Variants in TENM1 observed in about 807,000 individuals in gnomAD.
The protein encoded by TENM1 is teneurin-1.
Under a neutral mutation model 174.8 loss-of-function variants are expected in TENM1, and 35 were observed. The observed-to-expected ratio is 0.20, with a 90% CI of 0.15 to 0.27. TENM1 has a LOEUF of 0.27. Among genes scored for constraint, TENM1 ranks in the 10% least tolerant of loss-of-function variants. The pLI is 1.00. For synonymous variants in TENM1, 781 were observed against 798.7 expected (o/e 0.98, Z 0.37); for missense variants, 1,633 against 2,130.1 (o/e 0.77, Z 4.59).
At chrX:124,897,127 G>A (rs919967071) in intron 1 of TENM1, among the ~76,000 whole-genome samples, 4 of 111,624 alleles carry the variant, frequency 3.6e-5, no homozygotes, top group African/African-American at 6.5e-5. Context: ...ATACAACAAC[G>A]ATGCCCCATC....
the TENM1 span, among the ~76,000 whole-genome samples, chrX:125,071,861 T>G: frequency 9.0e-6 from 1 of 111,240 alleles, no homozygotes; most frequent in African/African-American, 3.2e-5. Context: ...ATTCATATAT[T>G]TCTGTCAGAT....
intron 20 of TENM1, among the ~76,000 whole-genome samples, chrX:124,489,246 T>A (rs1181611652): frequency 8.9e-6 from 1 of 112,710 alleles, no homozygotes; most frequent in Admixed American, 9.4e-5. Flanking sequence ...AAATGGAATT[T>A]CAAATCTTTT....
chrX:124,720,742 T>A (rs2053291494), intron 4 of TENM1, among the ~76,000 whole-genome samples: 2 of 112,527 alleles, frequency 1.8e-5, no homozygotes, highest in African/African-American at 6.5e-5. Context: ...AATGACTTCA[T>A]AGACTAGTCT....
At chrX:124,489,168 C>A (rs1046175143) in intron 20 of TENM1, among the ~76,000 whole-genome samples, 1 of 112,469 alleles carries the variant, frequency 8.9e-6, no homozygotes, top group Non-Finnish European at 1.9e-5. Context: ...AGGGCCTGGG[C>A]CCATCCGTGG....
chrX:124,509,381 C>G (rs2047526902), intron 18 of TENM1, among the ~76,000 whole-genome samples: 1 of 110,763 alleles, frequency 9.0e-6, no homozygotes, highest in African/African-American at 3.3e-5. Flanking sequence ...GAACAACAAC[C>G]CTCCCTGTCC....
intron 11 of TENM1, among the ~76,000 whole-genome samples, chrX:124,582,598 C>T (rs1002030589): frequency 8.0e-5 from 9 of 112,136 alleles, no homozygotes; most frequent in South Asian, 3.8e-4. Context: ...CAGCTCCCAG[C>T]GTGAGCGACA....
chrX:124,529,062 A>G (rs2048046350), intron 16 of TENM1, among the ~76,000 whole-genome samples: 1 of 111,275 alleles, frequency 9.0e-6, no homozygotes, highest in Non-Finnish European at 1.9e-5. Context: ...TTTTTTGCGT[A>G]TGATTATTGA....
rs2061066705 is a variant in TENM1, at chrX:124,453,421, A to G, written c.4020T>C (p.Asn1340=). The change falls in exon 23 of 32, where the codon AAT becomes AAC. Residue 1340 remains asparagine, a synonymous_variant. Transcript: ENST00000422452. Reference sequence around the variant, plus strand: ...AGCCGATTACAGTTGTGATCACAGCATTCTCATCAATTTTGCGAATCATAG... The same window carrying G: ...AGCCGATTACAGTTGTGATCACAGCGTTCTCATCAATTTTGCGAATCATAG... 5.0e-6 allele frequency: 6 copies of G among 1,208,759 alleles called. No homozygotes were observed. In the Admixed American group the frequency reaches 6.6e-5, roughly 13 times the overall value.
the TENM1 span, among the ~76,000 whole-genome samples, chrX:124,987,742 T>A: frequency 9.3e-6 from 1 of 107,113 alleles, no homozygotes; most frequent in Admixed American, 1.0e-4. Flanking sequence ...TGTGTGTGTG[T>A]GATTACAAAA....
chrX:125,185,081 G>T, the TENM1 span, among the ~76,000 whole-genome samples: 1 of 111,011 alleles, frequency 9.0e-6, no homozygotes, highest in Non-Finnish European at 1.9e-5. Context: ...ATAGATAGAT[G>T]GGTAGATGAA....
chrX:124,963,738 A>T, exon 1 of TENM1: 1 of 1,211,192 alleles, frequency 8.3e-7, no homozygotes, highest in Non-Finnish European at 1.1e-6. Context: ...TAGGGTTTGC[A>T]GTCAGTTTGC....
the TENM1 span, among the ~76,000 whole-genome samples, chrX:125,193,549 G>A: frequency 9.0e-6 from 1 of 111,368 alleles, no homozygotes; most frequent in Non-Finnish European, 1.9e-5. Context: ...GTAATCTAGA[G>A]ATGACTTAAA....
intron 15 of TENM1, among the ~76,000 whole-genome samples, chrX:124,542,249 G>A (rs1009519207): frequency 1.5e-4 from 17 of 112,523 alleles, no homozygotes; most frequent in Admixed American, 3.8e-4. Context: ...CTACATAGCA[G>A]TAGATATTCA....
chrX:124,725,384 A>G (rs1327896461), intron 4 of TENM1, among the ~76,000 whole-genome samples: 1 of 111,854 alleles, frequency 8.9e-6, no homozygotes, highest in African/African-American at 3.2e-5. Context: ...ACTAAAATAA[A>G]TTCATTATAT....
At chrX:124,970,918 A>T in the TENM1 span, among the ~76,000 whole-genome samples, 1 of 110,651 alleles carries the variant, frequency 9.0e-6, no homozygotes, top group Non-Finnish European at 1.9e-5. Flanking sequence ...TGGATTAAGA[A>T]AATGTGGCAC....
At chrX:125,119,819 TGAA>T in the TENM1 span, among the ~76,000 whole-genome samples, 9 of 110,973 alleles carry the variant, frequency 8.1e-5, no homozygotes, top group Admixed American at 9.7e-5. Context: ...AGAAAAAAAA[TGAA>T]GATGATGAAA....
At chrX:124,461,060 T>A (rs1241392912) in intron 22 of TENM1, among the ~76,000 whole-genome samples, 2 of 112,340 alleles carry the variant, frequency 1.8e-5, no homozygotes, top group African/African-American at 3.2e-5. Context: ...TTCAAAGGTA[T>A]TCTGTGGCTT....
Position 124,481,721 on chromosome X carries a change from T to A in TENM1, c.3949+11A>T, listed in dbSNP as rs776146101. Reference sequence around the variant, plus strand: ...TATATATATATATATATTTATTTATTTATTTTTTACCTCGAGGGCTATTCA... The same window carrying A: ...TATATATATATATATATTTATTTATATATTTTTTACCTCGAGGGCTATTCA... On this transcript the variant is annotated intron_variant, in intron 22 of 31. Transcript: ENST00000422452. The A allele has an allele frequency of 4.2e-4, 194 of 460,528 alleles. No individual in the cohort carries two copies. Among genetic ancestry groups the A allele is most frequent in the Non-Finnish European group, 5.7e-4 (171 of 297,409 alleles). The allele number at this position is 460,528 out of a possible 1,213,427, so 38.0% of individuals were successfully genotyped here.
chrX:125,033,081 G>A, the TENM1 span, among the ~76,000 whole-genome samples: 1 of 110,828 alleles, frequency 9.0e-6, no homozygotes, highest in Non-Finnish European at 1.9e-5. Flanking sequence ...TTGTATAGGG[G>A]AAAAAGATAA....
Sources: allele counts gnomAD v4.1 joint callset (sites outside exome capture counted in the v4.1 genomes callset), GRCh38; gene constraint gnomAD v4.1.1; transcripts MANE v1.5; gene names NCBI Gene and HGNC (gene_info 2026-07-23, HGNC 2026-07-21).